The following DOCK1 variants were observed in gnomAD, a reference collection of about 807,000 sequenced individuals.
DOCK1 encodes the protein dedicator of cytokinesis 1.
DOCK1 carries 138 observed loss-of-function variants against 262.7 expected under a neutral mutation model. The observed-to-expected ratio is 0.53, with a 90% CI of 0.46 to 0.61. The LOEUF is 0.61. Ranked by LOEUF, DOCK1 falls within the 20% of genes least tolerant of loss-of-function variation. The pLI, the probability that DOCK1 is intolerant of heterozygous loss-of-function variation, is 0.00. For missense variants in DOCK1, 1,908 were observed against 2,370.7 expected, an observed-to-expected ratio of 0.80 and a Z score of 4.05; for synonymous variants, 866 against 867.4, an observed-to-expected ratio of 1.00 and a Z score of 0.03.
At chr10:127,346,466 C>T (rs7908455) in intron 31 of DOCK1, among the ~76,000 whole-genome samples, 4,683 of 152,228 alleles carry the variant, frequency 0.031, 140 homozygotes, top group African/African-American at 0.073. Context: ...TGTGGTGGCG[C>T]GCACCTGTGG....
intron 1 of DOCK1, among the ~76,000 whole-genome samples, chr10:126,969,174 A>G (rs994135599): frequency 6.6e-6 from 1 of 152,204 alleles, no homozygotes; most frequent in Non-Finnish European, 1.5e-5. Context: ...CACAAAACAC[A>G]CACGCAATTC....
intron 1 of DOCK1, among the ~76,000 whole-genome samples, chr10:126,965,117 G>C (rs2037564276): frequency 2.6e-5 from 4 of 152,232 alleles, no homozygotes. Flanking sequence ...CTACAAGGTT[G>C]TGGGGTGGCA....
intron 18 of DOCK1, among the ~76,000 whole-genome samples, chr10:127,036,019 T>A (rs1374319799): frequency 6.9e-6 from 1 of 145,092 alleles, no homozygotes; most frequent in Non-Finnish European, 1.5e-5. Flanking sequence ...AATAAATAAA[T>A]AAATAAATAA....
At chr10:127,057,392 C>T (rs952313557) in intron 22 of DOCK1, among the ~76,000 whole-genome samples, 1 of 152,160 alleles carries the variant, frequency 6.6e-6, no homozygotes, top group African/African-American at 2.4e-5. Flanking sequence ...GTATAATTGA[C>T]AGTAATTATT....
At chr10:126,975,077 G>A (rs983127156) in intron 2 of DOCK1, among the ~76,000 whole-genome samples, 1 of 151,944 alleles carries the variant, frequency 6.6e-6, no homozygotes, top group African/African-American at 2.4e-5. Flanking sequence ...GTGCTGTTTG[G>A]TGTGCATCTG....
At chr10:127,107,523 G>A (rs2048602267) in intron 24 of DOCK1, among the ~76,000 whole-genome samples, 1 of 152,186 alleles carries the variant, frequency 6.6e-6, no homozygotes, top group African/African-American at 2.4e-5. Context: ...GAGAAAAGGA[G>A]AAACACACAG....
intron 27 of DOCK1, among the ~76,000 whole-genome samples, chr10:127,203,229 A>G (rs1005041443): frequency 3.9e-5 from 6 of 152,236 alleles, no homozygotes; most frequent in African/African-American, 1.4e-4. Context: ...GGTGCCATGT[A>G]TAATGGCATC....
chr10:127,275,454 C>A (rs1293662527), intron 29 of DOCK1, among the ~76,000 whole-genome samples: 1 of 152,138 alleles, frequency 6.6e-6, no homozygotes, highest in Admixed American at 6.5e-5. Context: ...GAGGTAGGCA[C>A]CCTGGCTGTG....
intron 1 of DOCK1, among the ~76,000 whole-genome samples, chr10:126,907,844 T>C (rs1476386993): frequency 6.6e-6 from 1 of 152,068 alleles, no homozygotes; most frequent in African/African-American, 2.4e-5. Context: ...GCTAATACTT[T>C]GGTTTTAAGA....
chr10:126,960,293 G>T (rs2037094837), intron 1 of DOCK1, among the ~76,000 whole-genome samples: 1 of 151,952 alleles, frequency 6.6e-6, no homozygotes, highest in Admixed American at 6.6e-5. Flanking sequence ...GAGGTCAAGG[G>T]GTCACCAGCC....
intron 27 of DOCK1, among the ~76,000 whole-genome samples, chr10:127,174,312 G>A (rs765460876): frequency 9.9e-4 from 150 of 152,178 alleles, no homozygotes; most frequent in Non-Finnish European, 1.7e-3. Context: ...CAATGGGCAA[G>A]AGAGGTCTCG....
rs774068195 is a variant in DOCK1, at chr10:127,433,387, C to T, written c.5019C>T (p.Ser1673=). 6.2e-7 allele frequency: 1 copy of T among 1,613,976 alleles called. No individual in the cohort carries two copies. Among genetic ancestry groups the T allele is most frequent in the Non-Finnish European group, 8.5e-7 (1 of 1,179,888 alleles). ...SRPLSVASVS[S]LSSDSTPSRP... is the part of the protein sequence containing the mutation. ...CTCTGTCTGTGGCCTCTGTCTCTTC[C>T]CTCTCATCGGACAGCACCCCTTCCA... Residue 1673 remains serine, a synonymous_variant, in exon 48 of 52, where the codon TCC becomes TCT. Transcript: ENST00000623213.
At chr10:127,427,126 A>G (rs1057510679) in intron 47 of DOCK1, among the ~76,000 whole-genome samples, 2 of 152,174 alleles carry the variant, frequency 1.3e-5, no homozygotes, top group Non-Finnish European at 2.9e-5. Context: ...ATGAGGGGCA[A>G]TGTGGCACAG....
chr10:127,390,510 G>A (rs1159388810), intron 38 of DOCK1, among the ~76,000 whole-genome samples: 4 of 152,118 alleles, frequency 2.6e-5, no homozygotes, highest in Non-Finnish European at 4.4e-5. Context: ...GGCCCTAATC[G>A]AATCTGACTG....
At position 127,297,791 on chromosome 10, in the gene DOCK1, C is replaced by T. The variant is rs2148376; in HGVS notation, c.3044+40362C>T. 3.2e-4 allele frequency among the ~76,000 whole-genome samples: 49 copies of T among 152,056 alleles called. 1 individual carries two copies. The highest frequency in any genetic ancestry group is 1.1e-3 in the African/African-American group (44 of 41,472). On this transcript the variant is annotated intron_variant, in intron 29 of 51. Coordinates refer to ENST00000623213, the MANE Select transcript of DOCK1 (RefSeq NM_001290223.2). The stretch of plus-strand genomic sequence containing the variant: ...AATCAGCTCAATGAGAGGGGAAATG[C>T]GGGAAGCATTTTTAGCAGAAAGTGA...
intron 27 of DOCK1, among the ~76,000 whole-genome samples, chr10:127,193,603 G>A (rs1040688877): frequency 6.6e-6 from 1 of 152,158 alleles, no homozygotes; most frequent in African/African-American, 2.4e-5. Flanking sequence ...CTACGTGAAC[G>A]GGTCTGTCCT....
intron 21 of DOCK1, among the ~76,000 whole-genome samples, chr10:127,046,232 G>A (rs941920914): frequency 6.6e-6 from 1 of 152,290 alleles, no homozygotes; most frequent in Non-Finnish European, 1.5e-5. Context: ...CAGGCTTCAT[G>A]CCAGGGTGTT....
At chr10:126,919,235 G>T (rs1463796358) in intron 1 of DOCK1, among the ~76,000 whole-genome samples, 1 of 152,246 alleles carries the variant, frequency 6.6e-6, no homozygotes, top group South Asian at 2.1e-4. Flanking sequence ...CTGGAATAAA[G>T]GCACTTATCA....
intron 45 of DOCK1, 68 bp downstream of exon 45, chr10:127,418,609 G>A: frequency 6.6e-7 from 1 of 1,526,224 alleles, no homozygotes; most frequent in Non-Finnish European, 8.8e-7. Flanking sequence ...ATTCCCGAGA[G>A]TCCCCAAAGC....
Sources: allele counts gnomAD v4.1 joint callset (sites outside exome capture counted in the v4.1 genomes callset), GRCh38; gene constraint gnomAD v4.1.1; transcripts MANE v1.5; gene names NCBI Gene and HGNC (gene_info 2026-07-23, HGNC 2026-07-21).